Variants in ADCY9 observed in about 807,000 individuals in gnomAD.
ADCY9 encodes adenylate cyclase type 9.
Under a neutral mutation model 101.5 loss-of-function variants are expected in ADCY9, and 50 were observed. The ratio of observed to expected loss-of-function variants is 0.49; its 90% confidence interval spans 0.39 to 0.62. The LOEUF is 0.62. Among genes scored for constraint, ADCY9 ranks in the 20% least tolerant of loss-of-function variants. The pLI is 0.00. For missense variants in ADCY9, 1,662 were observed against 1,800.4 expected, an observed-to-expected ratio of 0.92 and a Z score of 1.39; for synonymous variants, 905 against 769.3, an observed-to-expected ratio of 1.18 and a Z score of -2.92.
intron 2 of ADCY9, among the ~76,000 whole-genome samples, chr16:4,047,641 T>G (rs1481266980): frequency 6.6e-6 from 1 of 152,068 alleles, no homozygotes; most frequent in Non-Finnish European, 1.5e-5. Context: ...TCTGTCTGCA[T>G]GACCAATCAG....
At chr16:4,019,928 A>G (rs1225822851) in intron 2 of ADCY9, among the ~76,000 whole-genome samples, 1 of 152,112 alleles carries the variant, frequency 6.6e-6, no homozygotes, top group Non-Finnish European at 1.5e-5. Context: ...AAATACAAAA[A>G]TTAACCGGGC....
chr16:4,043,417 T>C (rs1651238622), intron 2 of ADCY9, among the ~76,000 whole-genome samples: 1 of 152,092 alleles, frequency 6.6e-6, no homozygotes, highest in Non-Finnish European at 1.5e-5. Flanking sequence ...CTCACACCTA[T>C]AATCCCAGCA....
At chr16:4,077,820 C>G (rs969038974) in intron 2 of ADCY9, among the ~76,000 whole-genome samples, 1 of 151,966 alleles carries the variant, frequency 6.6e-6, no homozygotes, top group Non-Finnish European at 1.5e-5. Context: ...GCCAGCATGG[C>G]AAAACGCCAT....
intron 2 of ADCY9, among the ~76,000 whole-genome samples, chr16:4,062,341 G>T (rs927868313): frequency 6.6e-6 from 1 of 152,150 alleles, no homozygotes; most frequent in Non-Finnish European, 1.5e-5. Flanking sequence ...AGAACAAAAA[G>T]ATGTGAGACA....
At chr16:3,973,525 G>C (rs1056105239) in intron 10 of ADCY9, among the ~76,000 whole-genome samples, 8 of 151,292 alleles carry the variant, frequency 5.3e-5, no homozygotes, top group African/African-American at 1.9e-4. Context: ...CTGAGACAGA[G>C]TCTTGCTGTG....
chr16:4,075,841 TG>T (rs2056863743), intron 2 of ADCY9, among the ~76,000 whole-genome samples: 1 of 106,292 alleles, frequency 9.4e-6, no homozygotes, highest in East Asian at 3.1e-4. Flanking sequence ...CACAGATACC[TG>T]GCTGAGAGTA....
At chr16:3,987,835 C>G (rs1228492108) in intron 6 of ADCY9, among the ~76,000 whole-genome samples, 1 of 152,048 alleles carries the variant, frequency 6.6e-6, no homozygotes, top group East Asian at 1.9e-4. Flanking sequence ...CCACTCTTGA[C>G]TTGGGAACAC....
At chr16:4,056,350 C>A (rs1449956907) in intron 2 of ADCY9, among the ~76,000 whole-genome samples, 1 of 152,144 alleles carries the variant, frequency 6.6e-6, no homozygotes, top group Admixed American at 6.5e-5. Flanking sequence ...CGCTCCCGGG[C>A]TCCAGGGATT....
intron 2 of ADCY9, among the ~76,000 whole-genome samples, chr16:4,079,022 T>C (rs535056493): frequency 6.6e-6 from 1 of 152,336 alleles, no homozygotes; most frequent in South Asian, 2.1e-4. Context: ...AAGATGCCAA[T>C]GATGATGTTT....
chr16:4,013,247 C>CA (rs397772100), intron 2 of ADCY9, among the ~76,000 whole-genome samples: 56,859 of 100,588 alleles, frequency 0.57, 11,434 homozygotes, highest in South Asian at 0.67. Context: ...GACCCTGTCT[C>CA]AAAAAAAAAA....
In ADCY9 at chr16:4,042,424, T is replaced by C. The variant is rs954650842; in HGVS notation, c.1694-34866A>G. Among the ~76,000 whole-genome samples, 4 of 152,306 alleles carry C rather than the reference T, an allele frequency of 2.6e-5. No individual in the cohort carries two copies. The East Asian group carries it at 7.7e-4, about 29-fold the overall frequency. On this transcript the variant is annotated intron_variant, in intron 2 of 10. Coordinates refer to ENST00000294016, the MANE Select transcript of ADCY9 (RefSeq NM_001116.4). ...GGCTTCTTCCCCGCCCCATTGTTAT[T>C]TGATTCAATTATTTACAAAATGAAT...
At chr16:4,021,075 T>A (rs1024281486) in intron 2 of ADCY9, among the ~76,000 whole-genome samples, 4 of 152,198 alleles carry the variant, frequency 2.6e-5, no homozygotes, top group African/African-American at 9.6e-5. Context: ...ATACACCATA[T>A]TTTCTGCTTT....
intron 2 of ADCY9, among the ~76,000 whole-genome samples, chr16:4,110,018 G>T (rs2057103330): frequency 6.6e-6 from 1 of 152,012 alleles, no homozygotes; most frequent in Non-Finnish European, 1.5e-5. Context: ...CTCTGCCCTG[G>T]TGCTCTTCTG....
At position 4,115,130 on chromosome 16, in the gene ADCY9, G is replaced by A. The variant is rs1397191708; in HGVS notation, c.313C>T (p.Leu105=). The change falls in exon 2 of 11, where the codon CTG becomes TTG. Residue 105 remains leucine, a synonymous_variant. Coordinates refer to ENST00000294016, the MANE Select transcript of ADCY9 (RefSeq NM_001116.4). This position sits in a 1 kb window ranked among gnomAD's most constrained non-coding sequence, Gnocchi z 6.2. The part of the protein sequence containing the change: ...FDSVNLEEAC[L]ERCFPQTQRR... Reference sequence around the variant, plus strand: ...TGGGTCTGCGGGAAGCAGCGCTCCAGGCAGGCCTCCTCCAGGTTCACCGAG... The same window carrying A: ...TGGGTCTGCGGGAAGCAGCGCTCCAAGCAGGCCTCCTCCAGGTTCACCGAG... 4.3e-6 allele frequency: 7 copies of A among 1,613,906 alleles called. No individual in the cohort carries two copies. The highest frequency in any genetic ancestry group is 2.2e-5 in the East Asian group (1 of 44,872).
chr16:4,045,705 T>A (rs180703014), intron 2 of ADCY9, among the ~76,000 whole-genome samples: 5 of 150,634 alleles, frequency 3.3e-5, no homozygotes, highest in African/African-American at 1.2e-4. Context: ...TGAAAACCCT[T>A]GTGAATTTTT....
At chr16:4,107,673 G>C (rs2057086456) in intron 2 of ADCY9, among the ~76,000 whole-genome samples, 1 of 151,988 alleles carries the variant, frequency 6.6e-6, no homozygotes. Flanking sequence ...AGGCTTAGGT[G>C]GGGACAAGCT....
At chr16:4,100,835 A>G (rs2057038647) in intron 2 of ADCY9, among the ~76,000 whole-genome samples, 1 of 152,122 alleles carries the variant, frequency 6.6e-6, no homozygotes, top group South Asian at 2.1e-4. Context: ...ATCTAAACAC[A>G]CACGGCTCCC....
chr16:4,029,443 G>T (rs1235951947), intron 2 of ADCY9, among the ~76,000 whole-genome samples: 1 of 152,146 alleles, frequency 6.6e-6, no homozygotes, highest in Non-Finnish European at 1.5e-5. Context: ...TGAATATAAA[G>T]AACTCCTCAA....
intron 2 of ADCY9, among the ~76,000 whole-genome samples, chr16:4,102,434 T>C (rs1275945189): frequency 1.3e-5 from 2 of 152,196 alleles, no homozygotes; most frequent in African/African-American, 4.8e-5. Flanking sequence ...TGTTTGTTTG[T>C]TTGTTTTTGA....
Sources: allele counts gnomAD v4.1 joint callset (sites outside exome capture counted in the v4.1 genomes callset), GRCh38; gene constraint gnomAD v4.1.1; non-coding constraint Gnocchi (gnomAD v3.1); transcripts MANE v1.5; gene names NCBI Gene and HGNC (gene_info 2026-07-23, HGNC 2026-07-21).